DMD: variants seen among roughly 807,000 people sequenced by gnomAD.
DMD encodes the protein dystrophin, also known as mutant dystrophin.
A neutral mutation model predicts 330.1 loss-of-function variants in DMD; 63 were observed. The ratio of observed to expected loss-of-function variants is 0.19; its 90% CI spans 0.16 to 0.24. The LOEUF (loss-of-function observed/expected upper bound fraction) is 0.24. Ranked by LOEUF, DMD falls within the 10% of genes least tolerant of loss-of-function variation. DMD has a pLI of 1.00. For synonymous variants in DMD, 1,223 were observed against 959.8 expected (o/e 1.27, Z -5.07); for missense variants, 3,344 against 2,684.1 (o/e 1.25, Z -5.43).
intron 7 of DMD, among the ~76,000 whole-genome samples, chrX:32,791,690 A>AC (rs897563097): frequency 8.9e-6 from 1 of 112,257 alleles, no homozygotes; most frequent in Non-Finnish European, 1.9e-5. Flanking sequence ...CAAACAAAAA[A>AC]TAACAAAAAA....
intron 60 of DMD, among the ~76,000 whole-genome samples, chrX:31,369,206 T>C (rs1243228407): frequency 1.8e-5 from 2 of 112,699 alleles, no homozygotes; most frequent in Non-Finnish European, 3.7e-5. Flanking sequence ...CAGAATCTGA[T>C]AACAAGATTT....
At position 32,174,042 on chromosome X, in the gene DMD, G is replaced by A. The variant is rs150272731; in HGVS notation, c.6438+42874C>T. On this transcript the variant is annotated intron_variant, in intron 44 of 78. Coordinates refer to ENST00000357033, the MANE Select transcript of DMD (RefSeq NM_004006.3). ...AGAGAGAAGACTGAGTCTACATTTC[G>A]GCAAAAAGTCTTCATAAAAATTAGA... Among the ~76,000 whole-genome samples the A allele has an allele frequency of 1.8e-3, 196 of 111,862 alleles. 1 individual carries two copies. Among genetic ancestry groups the A allele is most frequent in the African/African-American group, 6.0e-3 (184 of 30,767 alleles).
intron 21 of DMD, 102 bp downstream of exon 21, chrX:32,484,817 C>A: frequency 2.3e-6 from 2 of 855,140 alleles, no homozygotes; most frequent in Non-Finnish European, 3.4e-6. Flanking sequence ...GAGAATGGTT[C>A]CATTTACAGA....
At chrX:33,273,851 G>T (rs959385338) in intron 1 of DMD, among the ~76,000 whole-genome samples, 1 of 111,898 alleles carries the variant, frequency 8.9e-6, no homozygotes, top group African/African-American at 3.3e-5. Context: ...TTGCTTTCAG[G>T]ATTATACTAC....
chrX:32,316,018 C>A (rs186200794), intron 41 of DMD, among the ~76,000 whole-genome samples: 1 of 111,023 alleles, frequency 9.0e-6, no homozygotes. Context: ...TTAACCTGAT[C>A]GAAATACTCT....
intron 43 of DMD, among the ~76,000 whole-genome samples, chrX:32,277,051 C>T (rs987581038): frequency 7.2e-5 from 8 of 111,661 alleles, no homozygotes; most frequent in Non-Finnish European, 1.5e-4. Flanking sequence ...GCACTCTTCA[C>T]CTATAAAGCT....
intron 44 of DMD, among the ~76,000 whole-genome samples, chrX:32,026,175 A>C (rs1055175578): frequency 1.8e-5 from 2 of 112,179 alleles, no homozygotes; most frequent in East Asian, 5.6e-4. Context: ...ATTCAGATAT[A>C]AAATATTTTG....
intron 55 of DMD, among the ~76,000 whole-genome samples, chrX:31,510,509 T>C (rs2071390167): frequency 1.0e-5 from 1 of 98,224 alleles, no homozygotes; most frequent in Non-Finnish European, 2.0e-5. Flanking sequence ...GACTGCTCTT[T>C]TTTTTTTTTT....
At chrX:31,161,523 A>G (rs1035478587) in intron 74 of DMD, among the ~76,000 whole-genome samples, 1 of 111,231 alleles carries the variant, frequency 9.0e-6, no homozygotes, top group African/African-American at 3.3e-5. Flanking sequence ...TCCTGGGTGC[A>G]CTAGGTTGCT....
In DMD at chrX:31,944,623, G is replaced by A. The variant is rs1466966462; in HGVS notation, c.6615-12396C>T. Reference sequence around the variant, plus strand: ...CTCCCGAGTAGCTGGGACTACAGGCGCCCGCCACCACTCCTGTTTGTTTGT... The same window carrying A: ...CTCCCGAGTAGCTGGGACTACAGGCACCCGCCACCACTCCTGTTTGTTTGT... On this transcript the variant is annotated intron_variant, in intron 45 of 78. Transcript: ENST00000357033. Among the ~76,000 whole-genome samples, 9 of 103,873 alleles carry A rather than the reference G, an allele frequency of 8.7e-5. No individual in the cohort carries two copies. The East Asian group carries it at 1.2e-3, about 14-fold the overall frequency. The allele number at this position is 103,873 out of a possible 115,157, so 90.2% of individuals were successfully genotyped here.
At chrX:33,114,942 C>T (rs147399830) in intron 1 of DMD, among the ~76,000 whole-genome samples, 2,569 of 111,671 alleles carry the variant, frequency 0.023, 77 homozygotes, top group African/African-American at 0.079. Flanking sequence ...CCTAAAGATG[C>T]TCTATCTCAA....
intron 59 of DMD, among the ~76,000 whole-genome samples, chrX:31,471,194 G>T (rs1026974664): frequency 2.7e-5 from 3 of 110,915 alleles, no homozygotes; most frequent in African/African-American, 9.8e-5. Context: ...GTGACGCTGG[G>T]ATATGAAAAA....
intron 60 of DMD, among the ~76,000 whole-genome samples, chrX:31,352,550 C>A (rs1569531417): frequency 9.3e-6 from 1 of 108,015 alleles, no homozygotes; most frequent in African/African-American, 3.4e-5. Context: ...AATCTTCTCT[C>A]TGAAGAATTT....
chrX:32,999,807 A>C lies in DMD; in HGVS notation c.93+20332T>G, dbSNP rs369073996. Reference sequence around the variant, plus strand: ...AAAAACAAAAACAAAAACAAAAAACAAAAAAAAAACCGAAAAAACAAGAAA... The same window carrying C: ...AAAAACAAAAACAAAAACAAAAAACCAAAAAAAAACCGAAAAAACAAGAAA... On this transcript the variant is annotated intron_variant, in intron 2 of 78. Coordinates refer to ENST00000357033, the MANE Select transcript of DMD (RefSeq NM_004006.3). Among the ~76,000 whole-genome samples, 676 of 88,522 alleles carry C rather than the reference A, an allele frequency of 7.6e-3. 6 individuals carry two copies. Among genetic ancestry groups the C allele is most frequent in the African/African-American group, 0.022 (631 of 28,252 alleles). 76.9% of individuals were successfully genotyped at this position (88,522 alleles called of 115,157 possible). A position where few individuals can be genotyped will look rare whatever the true frequency, so the allele number is the denominator to read the frequency against.
chrX:32,391,198 A>G (rs1398220656), intron 30 of DMD, among the ~76,000 whole-genome samples: 1 of 111,493 alleles, frequency 9.0e-6, no homozygotes, highest in African/African-American at 3.3e-5. Context: ...AAATTCAGTC[A>G]TTATTAGATT....
At chrX:31,654,346 T>C (rs1018452723) in intron 54 of DMD, among the ~76,000 whole-genome samples, 1 of 111,946 alleles carries the variant, frequency 8.9e-6, no homozygotes, top group Admixed American at 9.5e-5. Context: ...ACCTGAACTG[T>C]GAGAAATGAT....
At chrX:32,740,893 A>G (rs970719253) in intron 7 of DMD, among the ~76,000 whole-genome samples, 4 of 111,502 alleles carry the variant, frequency 3.6e-5, no homozygotes, top group Non-Finnish European at 5.7e-5. Flanking sequence ...CAGTAAGTAA[A>G]TATATACTCA....
chrX:32,247,546 T>C, intron 43 of DMD, among the ~76,000 whole-genome samples: 1 of 111,895 alleles, frequency 8.9e-6, no homozygotes, highest in Non-Finnish European at 1.9e-5. Flanking sequence ...GACATATAAA[T>C]AGTGTTTCTT....
chrX:32,117,642 A>G (rs2096616643), intron 44 of DMD, among the ~76,000 whole-genome samples: 1 of 112,370 alleles, frequency 8.9e-6, no homozygotes, highest in Non-Finnish European at 1.9e-5. Context: ...ATGAATGCAT[A>G]TGGGAGAAGA....
Sources: gnomAD v4.1 joint callset for allele counts (sites outside exome capture counted in the v4.1 genomes callset) on GRCh38, gnomAD v4.1.1 for gene constraint, MANE v1.5 for transcripts, NCBI Gene and HGNC (gene_info 2026-07-23, HGNC 2026-07-21) for gene names.